SNAPC4: variants seen among roughly 807,000 people sequenced by gnomAD.
SNAPC4 encodes the protein small nuclear RNA activating complex polypeptide 4.
SNAPC4 carries 127 observed loss-of-function variants against 151.3 expected under a neutral mutation model. The ratio of observed to expected loss-of-function variants is 0.84; its 90% confidence interval spans 0.73 to 0.97. SNAPC4 has a LOEUF of 0.97. Among genes scored for constraint, SNAPC4 ranks in the 50% least tolerant of loss-of-function variants. The probability of loss-of-function intolerance (pLI) is 0.00; values close to 1 mark genes in which losing one functional copy is unlikely to be tolerated. For synonymous variants in SNAPC4, 1,002 were observed against 824.4 expected (o/e 1.22, Z -3.69); for missense variants, 2,186 against 1,935.0 (o/e 1.13, Z -2.43).
chr9:136,379,294 G>A lies in SNAPC4; in HGVS notation c.2533C>T (p.Leu845Phe), dbSNP rs1833602715. Reference protein sequence around the residue: ...SSSAQSTPGHLFPNVPAQEAS... With the variant: ...SSSAQSTPGHFFPNVPAQEAS... The stretch of plus-strand genomic sequence containing the variant: ...TCTTGAGCCGGCACGTTTGGGAAGA[G>A]GTGGCCTGTGGGGAGGAAAGACCCA... Residue 845 changes from leucine to phenylalanine, a missense_variant, in exon 22 of 24, where the codon CTC becomes TTC. By Grantham distance (22) the Leu-to-Phe change is conservative. Coordinates refer to ENST00000684778, the MANE Select transcript of SNAPC4 (RefSeq NM_003086.4). 3.1e-6 allele frequency: 5 copies of A among 1,612,608 alleles called. No homozygotes were observed. Among genetic ancestry groups the A allele is most frequent in the Non-Finnish European group, 3.4e-6 (4 of 1,179,958 alleles).
intron 3 of SNAPC4, 60 bp from the exon 4 acceptor site, chr9:136,395,830 G>C (rs574029525): frequency 4.2e-5 from 64 of 1,526,652 alleles, no homozygotes; most frequent in African/African-American, 3.3e-4. Flanking sequence ...CCCTGTCCTC[G>C]GCAGCCAGTC....
chr9:136,391,913 G>A (rs541547520), intron 10 of SNAPC4, 29 bp downstream of exon 10: 20 of 1,593,406 alleles, frequency 1.3e-5, no homozygotes, highest in Non-Finnish European at 1.6e-5. Context: ...CAGGTCTCCT[G>A]GCCCCTGGGG....
At chr9:136,394,418 TG>T in intron 6 of SNAPC4, 88 bp from the exon 7 acceptor site, 1 of 1,239,128 alleles carries the variant, frequency 8.1e-7, no homozygotes, top group Non-Finnish European at 1.2e-6. Context: ...CCCGAGGCAG[TG>T]GTGGGGGGCC....
intron 11 of SNAPC4, 28 bp from the exon 12 acceptor site, chr9:136,387,876 G>T (rs1833943358): frequency 7.7e-7 from 1 of 1,291,514 alleles, no homozygotes; most frequent in Non-Finnish European, 1.1e-6. Context: ...GGGAGGTCCT[G>T]TGGGGCCGAG....
chr9:136,387,553 G>A lies in SNAPC4; in HGVS notation c.1257C>T (p.Tyr419=), dbSNP rs139103681. 1.2e-5 allele frequency: 20 copies of A among 1,613,762 alleles called. No individual in the cohort carries two copies. The highest frequency in any genetic ancestry group is 1.6e-4 in the Middle Eastern group (1 of 6,062). The change falls in exon 13 of 24, where the codon TAC becomes TAT. Residue 419 remains tyrosine (Y), a synonymous_variant. Coordinates refer to ENST00000684778, the MANE Select transcript of SNAPC4 (RefSeq NM_003086.4). ...GGATTTTAAACCAATCCTGCTCCCC[G>A]TATTTGGCAACAGCTTGAAGCAACT... ...DAKLLQAVAK[Y]GEQDWFKIRE... is the part of the protein sequence containing the mutation.
intron 1 of SNAPC4, among the ~76,000 whole-genome samples, chr9:136,399,313 A>C (rs979038530): frequency 6.6e-6 from 1 of 152,226 alleles, no homozygotes; most frequent in African/African-American, 2.4e-5. Flanking sequence ...TAGCCGCATC[A>C]GCAGCCCAGG....
intron 9 of SNAPC4, 59 bp downstream of exon 9, chr9:136,392,463 C>A: frequency 6.5e-7 from 1 of 1,549,850 alleles, no homozygotes; most frequent in Non-Finnish European, 8.9e-7. Flanking sequence ...CCAACTGCAC[C>A]CGGGCTACAG....
rs769737956 is a variant in SNAPC4 at position 136,378,441 on chromosome 9, G to GCTGGGGCC, written c.3378_3385dup (p.Ala1129GlyfsTer5). On this transcript the variant is annotated frameshift_variant, in exon 22 of 24. Transcript: ENST00000684778. LOFTEE classifies it high-confidence loss of function. Reference sequence around the variant, plus strand: ...TGGGGGCTGCCAAGAGCTGCTCAACGCTGGGGCCCTGGGGCCCTGGGCCGC... The same window carrying GCTGGGGCC: ...TGGGGGCTGCCAAGAGCTGCTCAACGCTGGGGCCCTGGGGCCCTGGGGCCCTGGGCCGC... The GCTGGGGCC allele has an allele frequency of 3.0e-5, 48 of 1,593,638 alleles. No individual in the cohort carries two copies. The highest frequency in any genetic ancestry group is 1.0e-4 in the Admixed American group (6 of 59,164).
chr9:136,398,544 G>GTGGGCAC, intron 1 of SNAPC4, 107 bp from the exon 2 acceptor site: 2 of 1,283,634 alleles, frequency 1.6e-6, no homozygotes, highest in Non-Finnish European at 2.2e-6. Context: ...CTGCTCGGCA[G>GTGGGCAC]TGGGCACTGG....
intron 1 of SNAPC4, chr9:136,398,740 C>T (rs186290372): frequency 5.5e-4 from 151 of 276,110 alleles, no homozygotes; most frequent in African/African-American, 3.1e-3. Context: ...GCCCCACTGT[C>T]CCGTCTCTGC....
In SNAPC4 at chr9:136,383,899, C is replaced by A; in HGVS notation, c.1500+54G>T. ...CCCCTCCTCCTGCCTGCTGGACCCC[C>A]CAGTTGACCAGGCCATTGTCTGGTT... On this transcript the variant is annotated intron_variant, in intron 15 of 23. Coordinates refer to ENST00000684778, the MANE Select transcript of SNAPC4 (RefSeq NM_003086.4). This position sits in a 1 kb window ranked among gnomAD's most constrained non-coding sequence, Gnocchi z 4.2. 1 of 1,518,580 alleles carries A rather than the reference C, an allele frequency of 6.6e-7. No individual in the cohort carries two copies. Among genetic ancestry groups the A allele is most frequent in the South Asian group, 1.1e-5 (1 of 88,986 alleles). 94.1% of individuals were successfully genotyped at this position (1,518,580 alleles called of 1,614,324 possible).
chr9:136,380,622 GCCTC>G, intron 20 of SNAPC4, 114 bp downstream of exon 20: 1 of 632,018 alleles, frequency 1.6e-6, no homozygotes, highest in South Asian at 1.8e-5. Flanking sequence ...AAGTGCAGAT[GCCTC>G]CCTGAGGGGC....
chr9:136,377,445 C>T lies in SNAPC4; in HGVS notation c.4284+98G>A, dbSNP rs573471363. On this transcript the variant is annotated intron_variant, in intron 22 of 23. Transcript: ENST00000684778. ...ACCCAGCAGCCAGCCTTCCTGCCCG[C>T]AACTTCCACCAGCCCCCACCCCACT... 1.1e-4 allele frequency: 155 copies of T among 1,407,526 alleles called. No homozygotes were observed. The African/African-American group carries it at 2.0e-3, about 18-fold the overall frequency. The allele number at this position is 1,407,526 out of a possible 1,614,324, so 87.2% of individuals were successfully genotyped here.
chr9:136,382,767 C>T (rs567216185), intron 16 of SNAPC4, among the ~76,000 whole-genome samples: 39 of 152,298 alleles, frequency 2.6e-4, no homozygotes, highest in Middle Eastern at 3.4e-3. Context: ...GGGCCTGACA[C>T]GGTGAAGACC....
Position 136,390,015 on chromosome 9 carries a change from A to T in SNAPC4, c.976-1424T>A, listed in dbSNP as rs150936451. 2.9e-3 allele frequency among the ~76,000 whole-genome samples: 437 copies of T among 152,290 alleles called. 1 individual carries two copies. Among genetic ancestry groups the T allele is most frequent in the Non-Finnish European group, 4.2e-3 (287 of 68,028 alleles). On this transcript the variant is annotated intron_variant, in intron 10 of 23. Transcript: ENST00000684778. ...AGAAAAAGCCATTAATGGATGGAAG[A>T]CAGTTGAATTCCCAAAAATCACAAG...
chr9:136,395,009 G>C, intron 5 of SNAPC4, 131 bp from the exon 6 acceptor site: 1 of 870,666 alleles, frequency 1.1e-6, no homozygotes. Context: ...GTGAGGCTGT[G>C]GGGGTGCAAC....
chr9:136,384,858 C>T (rs74836839), intron 13 of SNAPC4, 44 bp from the exon 14 acceptor site: 39,188 of 1,066,740 alleles, frequency 0.037, 927 homozygotes, highest in East Asian at 0.1. Flanking sequence ...GATGCCGAGA[C>T]GCCGCCCGCT....
At chr9:136,394,388 C>T (rs2131511279) in intron 6 of SNAPC4, 58 bp from the exon 7 acceptor site, 1 of 1,482,436 alleles carries the variant, frequency 6.7e-7, no homozygotes, top group East Asian at 2.3e-5. Context: ...CGGCCCAGCC[C>T]CCACGGTTGG....
intron 3 of SNAPC4, 120 bp downstream of exon 3, chr9:136,396,857 G>T: frequency 1.3e-6 from 1 of 786,994 alleles, no homozygotes; most frequent in South Asian, 1.4e-5. Flanking sequence ...TAACAAACGT[G>T]AATCATTTTT....
Sources: gnomAD v4.1 joint callset for allele counts (sites outside exome capture counted in the v4.1 genomes callset) on GRCh38, gnomAD v4.1.1 for gene constraint, Gnocchi (gnomAD v3.1) non-coding constraint, MANE v1.5 for transcripts, NCBI Gene and HGNC (gene_info 2026-07-23, HGNC 2026-07-21) for gene names.